The following CLASP2 variants were observed in gnomAD, a reference collection of about 807,000 sequenced individuals.
CLASP2 encodes the protein CLIP-associating protein 2.
In CLASP2, 47 loss-of-function variants were observed where a neutral mutation model predicts 194.4. The ratio of observed to expected loss-of-function variants is 0.24; its 90% CI spans 0.19 to 0.31. The LOEUF (loss-of-function observed/expected upper bound fraction) is 0.31, where lower values mean the gene tolerates loss of function less well. Among genes scored for constraint, CLASP2 ranks in the 10% least tolerant of loss-of-function variants. CLASP2 has a pLI of 1.00. For missense variants in CLASP2, 1,445 were observed against 1,823.6 expected, an observed-to-expected ratio of 0.79 and a Z score of 3.78; for synonymous variants, 619 against 633.5, an observed-to-expected ratio of 0.98 and a Z score of 0.34.
intron 21 of CLASP2, among the ~76,000 whole-genome samples, chr3:33,587,844 T>C (rs977550003): frequency 2.0e-5 from 3 of 152,172 alleles, no homozygotes; most frequent in African/African-American, 7.2e-5. Flanking sequence ...TGGAATGTTT[T>C]ATGGGAAAAC....
chr3:33,680,054 T>C (rs1010027836), intron 6 of CLASP2, among the ~76,000 whole-genome samples: 17 of 152,100 alleles, frequency 1.1e-4, no homozygotes, highest in African/African-American at 4.1e-4. Flanking sequence ...TAAAAAGAAA[T>C]GAGCTATCAA....
At chr3:33,603,308 C>T (rs764181262) in intron 17 of CLASP2, among the ~76,000 whole-genome samples, 183 bp from the exon 18 acceptor site, 5 of 151,994 alleles carry the variant, frequency 3.3e-5, no homozygotes, top group Admixed American at 2.0e-4. Flanking sequence ...ACAACTAAGT[C>T]TTCAGCAATT....
At chr3:33,679,809 G>A (rs981752850) in intron 6 of CLASP2, among the ~76,000 whole-genome samples, 3 of 152,190 alleles carry the variant, frequency 2.0e-5, no homozygotes, top group Non-Finnish European at 4.4e-5. Context: ...CAAGCACTTT[G>A]GAAGACAGTC....
At chr3:33,505,137 T>G (rs1316478027) in intron 37 of CLASP2, 1 of 152,082 alleles carries the variant, frequency 6.6e-6, no homozygotes, top group Non-Finnish European at 1.5e-5. Context: ...ATCTTTTCAA[T>G]AGACTCCACT....
intron 1 of CLASP2, among the ~76,000 whole-genome samples, chr3:33,700,023 T>C (rs1438679824): frequency 6.6e-6 from 1 of 151,918 alleles, no homozygotes; most frequent in Admixed American, 6.6e-5. Flanking sequence ...GAGACCTGTA[T>C]CACAAGAAAT....
chr3:33,517,563 C>T (rs1575748618), intron 34 of CLASP2, among the ~76,000 whole-genome samples: 1 of 152,306 alleles, frequency 6.6e-6, no homozygotes, highest in East Asian at 1.9e-4. Context: ...TCTATGGTTT[C>T]ATGCCAGGAG....
intron 6 of CLASP2, among the ~76,000 whole-genome samples, chr3:33,674,088 C>G (rs1170944697): frequency 1.3e-5 from 2 of 152,066 alleles, no homozygotes; most frequent in African/African-American, 4.8e-5. Context: ...CTGCACCAAG[C>G]GGACCTAATA....
intron 1 of CLASP2, among the ~76,000 whole-genome samples, chr3:33,707,413 T>C (rs1335117398): frequency 6.6e-6 from 1 of 152,206 alleles, no homozygotes; most frequent in Non-Finnish European, 1.5e-5. Context: ...ATATAAACCA[T>C]ATCACTAGGT....
At chr3:33,659,722 C>G (rs1233957439) in intron 7 of CLASP2, 1 of 152,280 alleles carries the variant, frequency 6.6e-6, no homozygotes, top group East Asian at 1.9e-4. Flanking sequence ...CAATGCGCAG[C>G]TGCAGGGGCG....
intron 10 of CLASP2, among the ~76,000 whole-genome samples, chr3:33,623,402 C>T (rs113296634): frequency 0.018 from 2,725 of 152,142 alleles, 74 homozygotes; most frequent in African/African-American, 0.062. Flanking sequence ...CAACCATCTC[C>T]TCTTTATTCT....
At chr3:33,585,174 T>A (rs1020967449) in intron 21 of CLASP2, among the ~76,000 whole-genome samples, 1 of 152,192 alleles carries the variant, frequency 6.6e-6, no homozygotes, top group Non-Finnish European at 1.5e-5. Flanking sequence ...TAAGACACTA[T>A]GTTTAATAAG....
chr3:33,626,490 G>T (rs959426738), intron 10 of CLASP2, among the ~76,000 whole-genome samples: 3 of 151,972 alleles, frequency 2.0e-5, no homozygotes, highest in East Asian at 1.9e-4. Context: ...TAACTCAAGG[G>T]TATCTGACCT....
At chr3:33,700,356 G>A (rs2092288129) in intron 1 of CLASP2, among the ~76,000 whole-genome samples, 1 of 152,104 alleles carries the variant, frequency 6.6e-6, no homozygotes, top group African/African-American at 2.4e-5. Flanking sequence ...GAACTTGGAA[G>A]GCAGAGGTTG....
At chr3:33,707,371 G>A (rs1472187583) in intron 1 of CLASP2, among the ~76,000 whole-genome samples, 1 of 152,126 alleles carries the variant, frequency 6.6e-6, no homozygotes, top group Non-Finnish European at 1.5e-5. Flanking sequence ...GTAAGTAAAT[G>A]GAAAGAATCA....
chr3:33,678,007 C>T (rs111956914), intron 6 of CLASP2, among the ~76,000 whole-genome samples: 13,501 of 148,496 alleles, frequency 0.091, 625 homozygotes, highest in Admixed American at 0.11. Context: ...TACTAGACTG[C>T]ACACTGATGT....
Position 33,497,133 on chromosome 3 carries a change from C to T in CLASP2, c.*1498G>A, listed in dbSNP as rs1312790988. On this transcript the variant is annotated 3_prime_UTR_variant, in exon 39 of 39. Coordinates refer to ENST00000682230, the MANE Select transcript of CLASP2 (RefSeq NM_001365631.1). Reference sequence around the variant, plus strand: ...AGGGAGAGGATATAGAGAAACTTTTCCTGCTGCTAGAACAGAAAGAAAGGG... The same window carrying T: ...AGGGAGAGGATATAGAGAAACTTTTTCTGCTGCTAGAACAGAAAGAAAGGG... 1 of 152,480 alleles carries T rather than the reference C, an allele frequency of 6.6e-6. No individual in the cohort carries two copies. The highest frequency in any genetic ancestry group is 2.4e-5 in the African/African-American group (1 of 41,400). 9.4% of individuals were successfully genotyped at this position (152,480 alleles called of 1,614,324 possible). A position where few individuals can be genotyped will look rare whatever the true frequency, so the allele number is the denominator to read the frequency against.
chr3:33,583,755 T>C (rs1296330116), intron 22 of CLASP2, among the ~76,000 whole-genome samples: 2 of 152,158 alleles, frequency 1.3e-5, no homozygotes, highest in Non-Finnish European at 2.9e-5. Context: ...TAAAGTTACA[T>C]AGGTAATCTG....
chr3:33,713,023 A>G (rs2093105040), intron 1 of CLASP2, among the ~76,000 whole-genome samples: 1 of 149,658 alleles, frequency 6.7e-6, no homozygotes, highest in Non-Finnish European at 1.5e-5. Flanking sequence ...AAAAAAAAAA[A>G]AAAAAAAAAA....
At chr3:33,592,571 A>C in intron 20 of CLASP2, 75 bp from the exon 21 acceptor site, 2 of 1,236,622 alleles carry the variant, frequency 1.6e-6, no homozygotes, top group Non-Finnish European at 2.3e-6. Context: ...AGAAAATCTC[A>C]CTATTTTTAG....
Sources: gnomAD v4.1 joint callset for allele counts (sites outside exome capture counted in the v4.1 genomes callset) on GRCh38, gnomAD v4.1.1 for gene constraint, MANE v1.5 for transcripts, NCBI Gene and HGNC (gene_info 2026-07-23, HGNC 2026-07-21) for gene names.